Variants in EXOC8 observed in about 807,000 individuals in gnomAD.
EXOC8 encodes the protein exocyst complex component 8, also known as exocyst complex 84 kDa subunit.
EXOC8 carries 19 observed loss-of-function variants against 50.8 expected under a neutral mutation model. The observed-to-expected ratio is 0.37, with a 90% CI of 0.26 to 0.55. EXOC8 has a LOEUF of 0.55. Ranked by LOEUF, EXOC8 falls within the 20% of genes least tolerant of loss-of-function variation. EXOC8 has a pLI of 0.80. For synonymous variants in EXOC8, 384 were observed against 367.9 expected (o/e 1.04, Z -0.50); for missense variants, 781 against 915.8 (o/e 0.85, Z 1.90).
At position 231,335,513 on chromosome 1, in the gene EXOC8, A is replaced by C; in HGVS notation, c.*55T>G. 1 of 1,355,714 alleles carries C rather than the reference A, an allele frequency of 7.4e-7. No homozygotes were observed. Among genetic ancestry groups the C allele is most frequent in the Admixed American group, 2.8e-5 (1 of 35,534 alleles). The allele number at this position is 1,355,714 out of a possible 1,614,324, so 84.0% of individuals were successfully genotyped here. On this transcript the variant is annotated 3_prime_UTR_variant, in exon 1 of 1. Transcript: ENST00000366645. ...TGCTAATACAACTTAATATAAATAT[A>C]AATAATATATAAGCTCTCTCTCTGC...
Position 231,337,306 on chromosome 1 carries a change from G to A in EXOC8, c.440C>T (p.Ser147Phe), listed in dbSNP as rs1230581154. 1.9e-6 allele frequency: 3 copies of A among 1,603,724 alleles called. No homozygotes were observed. The highest frequency in any genetic ancestry group is 1.7e-5 in the Admixed American group (1 of 59,978). The change falls in exon 1 of 1, where the codon TCC becomes TTC. Residue 147 changes from serine (S) to phenylalanine (F), a missense_variant. Physicochemically the swap from Ser to Phe is radical, Grantham distance 155. This residue lies in a region of EXOC8 where 700 missense variants were observed against 804.1 expected (regional missense o/e 0.87). Coordinates refer to ENST00000366645, the MANE Select transcript of EXOC8 (RefSeq NM_175876.5). This position sits in a 1 kb window ranked among gnomAD's most constrained non-coding sequence, Gnocchi z 5.9. ...AGFFSTPGGA[S>F]RDGSGPGEEG... is the part of the protein sequence containing the mutation. ...CTCGCCTGGACCGGAGCCGTCGCGG[G>A]AGGCACCCCCGGGGGTGGAGAAAAA...
At position 231,335,975 on chromosome 1, in the gene EXOC8, CTTT is replaced by C. The variant is rs1417799381; in HGVS notation, c.1768_1770del (p.Lys590del). 1 of 1,614,110 alleles carries C rather than the reference CTTT, an allele frequency of 6.2e-7. No homozygotes were observed. The highest frequency in any genetic ancestry group is 1.3e-5 in the African/African-American group (1 of 74,932). On this transcript the variant is annotated inframe_deletion, in exon 1 of 1. Transcript: ENST00000366645. ...CTTACCCCACAACTTTTCATCTCTT[CTTT>C]GAGCTTACCCAGGGCTTCTGGCGTC... is the stretch of plus-strand genomic sequence containing the variant.
chr1:231,335,850 C>T lies in EXOC8; in HGVS notation c.1896G>A (p.Leu632=), dbSNP rs1686658893. Residue 632 remains leucine, a synonymous_variant, in exon 1 of 1, where the codon CTG becomes CTA. Transcript: ENST00000366645. The part of the protein sequence containing the change: ...KQTMGFLEEA[L]KLYFPELHMV... The stretch of plus-strand genomic sequence containing the variant: ...TGTGCAGCTCTGGGAAATACAGCTT[C>T]AGGGCCTCTTCCAAGAAGCCCATGG... 6.2e-7 allele frequency: 1 copy of T among 1,614,158 alleles called. No homozygotes were observed. The highest frequency in any genetic ancestry group is 1.3e-5 in the African/African-American group (1 of 75,032).
rs1242313047 is a variant in EXOC8 at position 231,336,264 on chromosome 1, T to C, written c.1482A>G (p.Arg494=). ...CATCCACGAACATGCCCATGGCTGA[T>C]CTTGCCCAGACCACAAAGGCAGAGT... is the stretch of plus-strand genomic sequence containing the variant. The part of the protein sequence containing the change: ...GCYSAFVVWA[R]SAMGMFVDAF... Residue 494 remains arginine (R), a synonymous_variant, in exon 1 of 1, where the codon AGA becomes AGG. Coordinates refer to ENST00000366645, the MANE Select transcript of EXOC8 (RefSeq NM_175876.5). This position sits in a 1 kb window ranked among gnomAD's most constrained non-coding sequence, Gnocchi z 5.4. The C allele has an allele frequency of 6.2e-7, 1 of 1,613,996 alleles. No individual in the cohort carries two copies. Among genetic ancestry groups the C allele is most frequent in the African/African-American group, 1.3e-5 (1 of 74,928 alleles).
At position 231,336,409 on chromosome 1, in the gene EXOC8, A is replaced by G. The variant is rs753947000; in HGVS notation, c.1337T>C (p.Leu446Pro). 8 of 1,613,960 alleles carry G rather than the reference A, an allele frequency of 5.0e-6. No homozygotes were observed. The African/African-American group carries it at 9.3e-5, about 19-fold the overall frequency. The change falls in exon 1 of 1, where the codon CTT becomes CCT. Residue 446 changes from leucine to proline, a missense_variant. Coordinates refer to ENST00000366645, the MANE Select transcript of EXOC8 (RefSeq NM_175876.5). The surrounding 1 kb of genome is among the most constrained non-coding windows in gnomAD (Gnocchi z 5.4). ...AAAVHTAIRQ[L>P]RIEGATLLYI... ...GAGTAAAGTGGCACCTTCGATGCGA[A>G]GCTGACGAATTGCAGTATGAACAGC...
chr1:231,335,360 AC>A lies in EXOC8; in HGVS notation c.*207del. 2.5e-6 allele frequency: 1 copy of A among 398,916 alleles called. No homozygotes were observed. Among genetic ancestry groups the A allele is most frequent in the Non-Finnish European group, 4.3e-6 (1 of 232,710 alleles). The allele number at this position is 398,916 out of a possible 1,614,324, so 24.7% of individuals were successfully genotyped here. A position where few individuals can be genotyped will look rare whatever the true frequency, so the allele number is the denominator to read the frequency against. On this transcript the variant is annotated 3_prime_UTR_variant, in exon 1 of 1. Coordinates refer to ENST00000366645, the MANE Select transcript of EXOC8 (RefSeq NM_175876.5). ...CATAATTTAAAAGGATAGCTAGCAT[AC>A]TATACGTTTTAATAATTCCAGTATT...
Position 231,335,063 on chromosome 1 carries a change from A to C in EXOC8, c.*505T>G, listed in dbSNP as rs1487224095. The C allele has an allele frequency of 6.6e-6, 1 of 152,592 alleles. No individual in the cohort carries two copies. The highest frequency in any genetic ancestry group is 1.9e-4 in the East Asian group (1 of 5,208). The allele number at this position is 152,592 out of a possible 1,614,324, so 9.5% of individuals were successfully genotyped here. ...AAGACTAGCCTGGGCAACATGGCGA[A>C]ACCCCATCTCTACAAAAAATACAAA... On this transcript the variant is annotated 3_prime_UTR_variant, in exon 1 of 1. Transcript: ENST00000366645.
Position 231,337,660 on chromosome 1 carries a change from T to C in EXOC8, c.86A>G (p.Lys29Arg). 6.2e-7 allele frequency: 1 copy of C among 1,609,914 alleles called. No individual in the cohort carries two copies. Among genetic ancestry groups the C allele is most frequent in the Non-Finnish European group, 8.5e-7 (1 of 1,179,964 alleles). The change falls in exon 1 of 1, where the codon AAG becomes AGG. Residue 29 changes from lysine (K) to arginine (R), a missense_variant. Lys to Arg is a conservative substitution (Grantham distance 26). Transcript: ENST00000366645. The surrounding 1 kb of genome is among the most constrained non-coding windows in gnomAD (Gnocchi z 5.9). Reference sequence around the variant, plus strand: ...CCCATCCGACTGCTGCGAGAGCTGCTTCACGTACAGCCGCGCCTCAAAACC... The same window carrying C: ...CCCATCCGACTGCTGCGAGAGCTGCCTCACGTACAGCCGCGCCTCAAAACC... Reference protein sequence around the residue: ...SGGFEARLYVKQLSQQSDGDR... With the variant: ...SGGFEARLYVRQLSQQSDGDR...
At position 231,335,991 on chromosome 1, in the gene EXOC8, G is replaced by A. The variant is rs773897349; in HGVS notation, c.1755C>T (p.Ala585=). Residue 585 remains alanine, a synonymous_variant, in exon 1 of 1, where the codon GCC becomes GCT. Transcript: ENST00000366645. The part of the protein sequence containing the change: ...WRRMNLMTPE[A]LGKLKEEMKS... ...TCATCTCTTCTTTGAGCTTACCCAG[G>A]GCTTCTGGCGTCATCAAGTTCATCC... 6.5e-5 allele frequency: 105 copies of A among 1,613,992 alleles called. No individual in the cohort carries two copies. Among genetic ancestry groups the A allele is most frequent in the Non-Finnish European group, 9.3e-6 (11 of 1,180,040 alleles).
chr1:231,335,548 CAT>C lies in EXOC8; in HGVS notation c.*18_*19del. 2 of 1,578,300 alleles carry C rather than the reference CAT, an allele frequency of 1.3e-6. No homozygotes were observed. Among genetic ancestry groups the C allele is most frequent in the South Asian group, 1.2e-5 (1 of 84,034 alleles). The stretch of plus-strand genomic sequence containing the variant: ...TAAGCTCTCTCTCTGCATATATACA[CAT>C]ATAAACAGACCCAAGCATTAGACCA... On this transcript the variant is annotated 3_prime_UTR_variant, in exon 1 of 1. Transcript: ENST00000366645.
Position 231,337,817 on chromosome 1 carries a change from A to G in EXOC8, c.-72T>C. Reference sequence around the variant, plus strand: ...CGCCGCGGCTGTCTAGACCCACCCAAGGCCAACCGAGCTCCTGGGCTGAGG... The same window carrying G: ...CGCCGCGGCTGTCTAGACCCACCCAGGGCCAACCGAGCTCCTGGGCTGAGG... On this transcript the variant is annotated 5_prime_UTR_variant, in exon 1 of 1. Coordinates refer to ENST00000366645, the MANE Select transcript of EXOC8 (RefSeq NM_175876.5). The surrounding 1 kb of genome is among the most constrained non-coding windows in gnomAD (Gnocchi z 5.9). 6.6e-7 allele frequency: 1 copy of G among 1,508,068 alleles called. No homozygotes were observed. Among genetic ancestry groups the G allele is most frequent in the Non-Finnish European group, 8.9e-7 (1 of 1,127,186 alleles). 93.4% of individuals were successfully genotyped at this position (1,508,068 alleles called of 1,614,324 possible).
chr1:231,334,662 CTAAT>C lies in EXOC8; in HGVS notation c.*902_*905del, dbSNP rs1296433186. On this transcript the variant is annotated 3_prime_UTR_variant, in exon 1 of 1. Transcript: ENST00000366645. ...TCCCAAATCAAGTATTACAAAGCTG[CTAAT>C]TAATTAGCAACTGAAAATTAGCCAT... 2.0e-5 allele frequency: 3 copies of C among 152,182 alleles called. No individual in the cohort carries two copies. Among genetic ancestry groups the C allele is most frequent in the East Asian group, 3.8e-4 (2 of 5,204 alleles). The allele number at this position is 152,182 out of a possible 1,614,324, so 9.4% of individuals were successfully genotyped here. A position where few individuals can be genotyped will look rare whatever the true frequency, so the allele number is the denominator to read the frequency against.
rs1198945786 is a variant in EXOC8, at chr1:231,337,449, C to T, written c.297G>A (p.Glu99=). 1.8e-5 allele frequency: 29 copies of T among 1,611,702 alleles called. No individual in the cohort carries two copies. The highest frequency in any genetic ancestry group is 2.3e-5 in the Non-Finnish European group (27 of 1,179,948). The stretch of plus-strand genomic sequence containing the variant: ...CAGGCAGCAACGTAAGCGGGATGCT[C>T]TCCAGGCTGCTTTTCTGCTCGGTCA... The part of the protein sequence containing the change: ...HLLTEQKSSL[E]SIPLTLLPAA... The change falls in exon 1 of 1, where the codon GAG becomes GAA. Residue 99 remains glutamate (E), a synonymous_variant. Transcript: ENST00000366645. This position sits in a 1 kb window ranked among gnomAD's most constrained non-coding sequence, Gnocchi z 5.9.
In EXOC8 at chr1:231,337,303, C is replaced by T. The variant is rs368706952; in HGVS notation, c.443G>A (p.Arg148His). The T allele has an allele frequency of 2.4e-5, 39 of 1,603,728 alleles. No individual in the cohort carries two copies. Among genetic ancestry groups the T allele is most frequent in the Admixed American group, 3.3e-5 (2 of 59,982 alleles). Reference sequence around the variant, plus strand: ...TTCCTCGCCTGGACCGGAGCCGTCGCGGGAGGCACCCCCGGGGGTGGAGAA... The same window carrying T: ...TTCCTCGCCTGGACCGGAGCCGTCGTGGGAGGCACCCCCGGGGGTGGAGAA... ...GFFSTPGGAS[R>H]DGSGPGEEGK... is the part of the protein sequence containing the mutation. The change falls in exon 1 of 1, where the codon CGC becomes CAC. Residue 148 changes from arginine (R) to histidine (H), a missense_variant. Arg to His is a conservative substitution (Grantham distance 29, BLOSUM62 0). Coordinates refer to ENST00000366645, the MANE Select transcript of EXOC8 (RefSeq NM_175876.5). This position sits in a 1 kb window ranked among gnomAD's most constrained non-coding sequence, Gnocchi z 5.9.
In EXOC8 at chr1:231,334,436, G is replaced by A. The variant is rs1558356350; in HGVS notation, c.*1132C>T. On this transcript the variant is annotated 3_prime_UTR_variant, in exon 1 of 1. Transcript: ENST00000366645. ...TCTGGGTCACTATATCTCCTACCCT[G>A]AATGGGGGAAGATGGGACAGCTATA... 1 of 152,194 alleles carries A rather than the reference G, an allele frequency of 6.6e-6. No homozygotes were observed. Among genetic ancestry groups the A allele is most frequent in the Non-Finnish European group, 1.5e-5 (1 of 68,042 alleles). 9.4% of individuals were successfully genotyped at this position (152,194 alleles called of 1,614,324 possible). A position where few individuals can be genotyped will look rare whatever the true frequency, so the allele number is the denominator to read the frequency against.
At position 231,336,335 on chromosome 1, in the gene EXOC8, C is replaced by G. The variant is rs1037804650; in HGVS notation, c.1411G>C (p.Ala471Pro). 6 of 1,614,028 alleles carry G rather than the reference C, an allele frequency of 3.7e-6. No individual in the cohort carries two copies. Among genetic ancestry groups the G allele is most frequent in the Non-Finnish European group, 5.1e-6 (6 of 1,179,960 alleles). ...HVFFTSLLET[A>P]REFEIDFAGT... ...GCAAAATCGATCTCAAATTCTCTTG[C>G]AGTCTCGAGAAGGCTGGTAAAGAAG... is the stretch of plus-strand genomic sequence containing the variant. Residue 471 changes from alanine (A) to proline (P), a missense_variant, in exon 1 of 1, where the codon GCA becomes CCA. Transcript: ENST00000366645. The surrounding 1 kb of genome is among the most constrained non-coding windows in gnomAD (Gnocchi z 5.4).
chr1:231,335,526 GC>G lies in EXOC8; in HGVS notation c.*41del. On this transcript the variant is annotated 3_prime_UTR_variant, in exon 1 of 1. Coordinates refer to ENST00000366645, the MANE Select transcript of EXOC8 (RefSeq NM_175876.5). ...TAATATAAATATAAATAATATATAA[GC>G]TCTCTCTCTGCATATATACACATAT... 1.4e-6 allele frequency: 2 copies of G among 1,443,092 alleles called. No individual in the cohort carries two copies. The highest frequency in any genetic ancestry group is 1.7e-5 in the South Asian group (1 of 57,740). The allele number at this position is 1,443,092 out of a possible 1,614,324, so 89.4% of individuals were successfully genotyped here. A position where few individuals can be genotyped will look rare whatever the true frequency, so the allele number is the denominator to read the frequency against.
In EXOC8 at chr1:231,335,252, GAAAA is replaced by G. The variant is rs1275286229; in HGVS notation, c.*312_*315del. ...GAGACCCTGTCTCAAAAAAAAAAAA[GAAAA>G]AAGAAAAGTTTTATCAAAGGATAAA... On this transcript the variant is annotated 3_prime_UTR_variant, in exon 1 of 1. Transcript: ENST00000366645. 1.2e-5 allele frequency: 2 copies of G among 162,494 alleles called. No homozygotes were observed. Among genetic ancestry groups the G allele is most frequent in the African/African-American group, 2.4e-5 (1 of 41,318 alleles). 10.1% of individuals were successfully genotyped at this position (162,494 alleles called of 1,614,324 possible).
Position 231,337,479 on chromosome 1 carries a change from A to C in EXOC8, c.267T>G (p.His89Gln). The C allele has an allele frequency of 6.2e-7, 1 of 1,613,194 alleles. No homozygotes were observed. Among genetic ancestry groups the C allele is most frequent in the Non-Finnish European group, 8.5e-7 (1 of 1,179,954 alleles). Reference protein sequence around the residue: ...YLESEMYQLSHLLTEQKSSLE... With the variant: ...YLESEMYQLSQLLTEQKSSLE... ...GGCTGCTTTTCTGCTCGGTCAGCAA[A>C]TGGCTGAGCTGGTACATCTCGCTCT... Residue 89 changes from histidine (H) to glutamine (Q), a missense_variant, in exon 1 of 1, where the codon CAT becomes CAG. Physicochemically the swap from His to Gln is conservative, Grantham distance 24 (BLOSUM62 0). Coordinates refer to ENST00000366645, the MANE Select transcript of EXOC8 (RefSeq NM_175876.5). This position sits in a 1 kb window ranked among gnomAD's most constrained non-coding sequence, Gnocchi z 5.9.
Sources: gnomAD v4.1 joint callset for allele counts on GRCh38, gnomAD v4.1.1 for gene constraint, gnomAD v4.1.1 regional missense constraint, Gnocchi (gnomAD v3.1) non-coding constraint, MANE v1.5 for transcripts, NCBI Gene and HGNC (gene_info 2026-07-23, HGNC 2026-07-21) for gene names.